KCNN2: variants seen among roughly 807,000 people sequenced by gnomAD.
KCNN2 encodes potassium calcium-activated channel subfamily N member 2, also known as small conductance calcium-activated potassium channel protein 2.
A neutral mutation model predicts 55.5 loss-of-function variants in KCNN2; 24 were observed. The ratio of observed to expected loss-of-function variants is 0.43; its 90% CI spans 0.31 to 0.61. KCNN2 has a LOEUF of 0.61. Ranked by LOEUF, KCNN2 falls within the 20% of genes least tolerant of loss-of-function variation. The probability of loss-of-function intolerance (pLI) is 0.08; values close to 1 mark genes in which losing one functional copy is unlikely to be tolerated. For missense variants in KCNN2, 754 were observed against 853.6 expected, an observed-to-expected ratio of 0.88 and a Z score of 1.45; for synonymous variants, 431 against 336.1, an observed-to-expected ratio of 1.28 and a Z score of -3.09.
At chr5:114,443,726 A>G (rs1760300062) in intron 3 of KCNN2, among the ~76,000 whole-genome samples, 1 of 152,250 alleles carries the variant, frequency 6.6e-6, no homozygotes. Context: ...CTGTGAAGGC[A>G]CGTGAAATAG....
intron 2 of KCNN2, among the ~76,000 whole-genome samples, chr5:114,315,451 GTGTGTGTGTGTGTGTATATA>G (rs1430730724): frequency 1.3e-3 from 145 of 108,046 alleles, no homozygotes; most frequent in African/African-American, 5.3e-3. Flanking sequence ...GTGTGTGTGT[GTGTGTGTGTGTGTGTATATA>G]TATATAAAAC....
At chr5:114,272,529 C>G (rs902640439) in intron 2 of KCNN2, among the ~76,000 whole-genome samples, 1 of 152,034 alleles carries the variant, frequency 6.6e-6, no homozygotes, top group Non-Finnish European at 1.5e-5. Context: ...CAAACTCACA[C>G]AATTTGTATA....
At chr5:114,104,344 C>G (rs1751435666) in intron 1 of KCNN2, among the ~76,000 whole-genome samples, 1 of 151,834 alleles carries the variant, frequency 6.6e-6, no homozygotes, top group South Asian at 2.1e-4. Flanking sequence ...GGCTAGTGTT[C>G]TATCTATTTT....
At chr5:114,334,502 C>A (rs1756887765) in intron 2 of KCNN2, among the ~76,000 whole-genome samples, 1 of 151,970 alleles carries the variant, frequency 6.6e-6, no homozygotes, top group Admixed American at 6.6e-5. Flanking sequence ...TACGCACATA[C>A]ATACACACAT....
intron 2 of KCNN2, among the ~76,000 whole-genome samples, chr5:114,280,534 C>T (rs922591688): frequency 1.3e-5 from 2 of 152,090 alleles, no homozygotes; most frequent in African/African-American, 4.8e-5. Context: ...GCCAGTTTTC[C>T]CATCACCATT....
At chr5:114,447,468 TAAG>T (rs925216313) in intron 3 of KCNN2, among the ~76,000 whole-genome samples, 2 of 152,246 alleles carry the variant, frequency 1.3e-5, no homozygotes, top group Non-Finnish European at 2.9e-5. Flanking sequence ...AGGTAGAATT[TAAG>T]AAGATGTCCT....
At chr5:114,474,041 G>GCAAT (rs1447195549) in intron 5 of KCNN2, among the ~76,000 whole-genome samples, 1 of 152,180 alleles carries the variant, frequency 6.6e-6, no homozygotes, top group Non-Finnish European at 1.5e-5. Flanking sequence ...AATGTGGAAT[G>GCAAT]CAATCAGGCT....
At chr5:114,322,181 T>C (rs1008127778) in intron 2 of KCNN2, among the ~76,000 whole-genome samples, 3 of 152,240 alleles carry the variant, frequency 2.0e-5, no homozygotes, top group Non-Finnish European at 4.4e-5. Flanking sequence ...ATTAGTTTAT[T>C]TGTAGAATCT....
chr5:114,321,147 G>A (rs1756606735), intron 2 of KCNN2, among the ~76,000 whole-genome samples: 1 of 152,162 alleles, frequency 6.6e-6, no homozygotes, highest in South Asian at 2.1e-4. Context: ...TACCTTCTTA[G>A]CATTGAGTTG....
intron 1 of KCNN2, among the ~76,000 whole-genome samples, chr5:114,112,539 A>G (rs1465460719): frequency 6.6e-6 from 1 of 152,106 alleles, no homozygotes; most frequent in Non-Finnish European, 1.5e-5. Flanking sequence ...AAACACATTG[A>G]TCCAATTTTA....
At chr5:114,134,461 T>TGA (rs200618618) in intron 1 of KCNN2, among the ~76,000 whole-genome samples, 14,951 of 60,694 alleles carry the variant, frequency 0.25, 832 homozygotes, top group Non-Finnish European at 0.33. Flanking sequence ...CAACCATGAT[T>TGA]TATTTATTTA....
chr5:114,207,947 T>A (rs1246567303), intron 1 of KCNN2, among the ~76,000 whole-genome samples: 1 of 152,094 alleles, frequency 6.6e-6, no homozygotes, highest in East Asian at 1.9e-4. Flanking sequence ...TGTGTAAAAC[T>A]CAGAAGAGGC....
rs147696247 is a variant in KCNN2 at position 114,463,184 on chromosome 5, A to G, written c.1773A>G (p.Gly591=). Residue 591 remains glycine, a synonymous_variant, in exon 4 of 8, where the codon GGA becomes GGG. Coordinates refer to ENST00000673685, the MANE Select transcript of KCNN2 (RefSeq NM_021614.4). ...GAAAAGGAGTCTGCTTACTTACTGG[A>G]ATTATGGTAAGTGTCTTTATACTTC... ...YCGKGVCLLT[G]IMGAGCTALV... The G allele has an allele frequency of 1.7e-5, 28 of 1,610,554 alleles. No homozygotes were observed. The African/African-American group carries it at 3.5e-4, about 20-fold the overall frequency.
At chr5:114,130,113 C>T (rs547029501) in intron 1 of KCNN2, among the ~76,000 whole-genome samples, 9 of 152,278 alleles carry the variant, frequency 5.9e-5, no homozygotes, top group African/African-American at 1.7e-4. Flanking sequence ...TTTAAGAATG[C>T]GAAGCACTTT....
At chr5:114,229,441 T>C (rs1035475501) in intron 2 of KCNN2, among the ~76,000 whole-genome samples, 1 of 152,004 alleles carries the variant, frequency 6.6e-6, no homozygotes. Flanking sequence ...ATATTAACTA[T>C]CTTGCATGTT....
At chr5:114,150,150 G>A (rs1028167237) in intron 1 of KCNN2, among the ~76,000 whole-genome samples, 32 of 152,272 alleles carry the variant, frequency 2.1e-4, no homozygotes, top group Middle Eastern at 3.4e-3. Context: ...ATAGTCCTGC[G>A]TGCAACTTTG....
At chr5:114,110,917 A>G (rs1751583118) in intron 1 of KCNN2, among the ~76,000 whole-genome samples, 1 of 152,084 alleles carries the variant, frequency 6.6e-6, no homozygotes, top group Admixed American at 6.6e-5. Context: ...AATTTAAAAA[A>G]TGCACATTAT....
intron 2 of KCNN2, among the ~76,000 whole-genome samples, chr5:114,339,850 A>T (rs535860825): frequency 1.6e-4 from 21 of 133,158 alleles, no homozygotes; most frequent in Admixed American, 3.1e-4. Context: ...AATAAATAAA[A>T]ATGCATGATA....
chr5:114,379,482 A>G lies in KCNN2; in HGVS notation c.1218+15481A>G, dbSNP rs1758039612. Among the ~76,000 whole-genome samples, 3 of 119,526 alleles carry G rather than the reference A, an allele frequency of 2.5e-5. No homozygotes were observed. The South Asian group carries it at 7.9e-4, about 31-fold the overall frequency. The allele number at this position is 119,526 out of a possible 152,430, so 78.4% of individuals were successfully genotyped here. A position where few individuals can be genotyped will look rare whatever the true frequency, so the allele number is the denominator to read the frequency against. ...ATTATATAACATATTATATATTTAT[A>G]GAATATATTATATAACATATTATAT... On this transcript the variant is annotated intron_variant, in intron 2 of 7. Transcript: ENST00000673685.
Sources: gnomAD v4.1 joint callset for allele counts (sites outside exome capture counted in the v4.1 genomes callset) on GRCh38, gnomAD v4.1.1 for gene constraint, MANE v1.5 for transcripts, NCBI Gene and HGNC (gene_info 2026-07-23, HGNC 2026-07-21) for gene names.